Variants in RUFY3 observed in about 807,000 individuals in gnomAD.
The protein encoded by RUFY3 is protein RUFY3.
In RUFY3, 34 loss-of-function variants were observed where a neutral mutation model predicts 84.0. The observed-to-expected ratio is 0.40, with a 90% CI of 0.31 to 0.54. The LOEUF is 0.54. RUFY3 is among the 20% of genes least tolerant of loss of function. The probability of loss-of-function intolerance (pLI) is 0.39; values close to 1 mark genes in which losing one functional copy is unlikely to be tolerated. For synonymous variants in RUFY3, 242 were observed against 252.9 expected, an observed-to-expected ratio of 0.96 and a Z score of 0.41; for missense variants, 507 against 736.8, an observed-to-expected ratio of 0.69 and a Z score of 3.61.
intron 1 of RUFY3, among the ~76,000 whole-genome samples, chr4:70,745,184 T>C (rs1183200504): frequency 6.6e-6 from 1 of 152,102 alleles, no homozygotes; most frequent in African/African-American, 2.4e-5. Flanking sequence ...GACCTCGTGG[T>C]CCACCCGCCT....
In RUFY3 at chr4:70,722,180, C is replaced by T; in HGVS notation, c.-394C>T. Reference sequence around the variant, plus strand: ...ACAAAGGAGGAGGATTTTTCACTTACTCATATCGAGGCCAGATTTTTAAAG... The same window carrying T: ...ACAAAGGAGGAGGATTTTTCACTTATTCATATCGAGGCCAGATTTTTAAAG... On this transcript the variant is annotated 5_prime_UTR_variant, in exon 1 of 18. Coordinates refer to ENST00000381006, the MANE Select transcript of RUFY3 (RefSeq NM_001037442.4). 8.1e-7 allele frequency: 1 copy of T among 1,229,662 alleles called. No homozygotes were observed. The highest frequency in any genetic ancestry group is 1.0e-6 in the Non-Finnish European group (1 of 987,294). The allele number at this position is 1,229,662 out of a possible 1,614,324, so 76.2% of individuals were successfully genotyped here.
chr4:70,769,780 G>A (rs1041593213), intron 5 of RUFY3, among the ~76,000 whole-genome samples: 5 of 152,130 alleles, frequency 3.3e-5, no homozygotes, highest in Non-Finnish European at 7.4e-5. Context: ...GTAAACAGAT[G>A]TGCTGTCTTT....
intron 1 of RUFY3, 112 bp from the exon 2 acceptor site, chr4:70,762,407 T>G: frequency 2.3e-6 from 2 of 888,870 alleles, no homozygotes; most frequent in Admixed American, 4.8e-5. Context: ...TAAAGGAAAC[T>G]GGCATTTTTT....
In RUFY3 at chr4:70,793,415, A is replaced by G. The variant is rs923182490; in HGVS notation, c.1338-370A>G. ...AATTAAGTACCAAACCTATTAGGAA[A>G]TTTTTTTAAAAAGTGGATTTAACTT... On this transcript the variant is annotated intron_variant, in intron 12 of 17. Transcript: ENST00000381006. 13 of 1,052,834 alleles carry G rather than the reference A, an allele frequency of 1.2e-5. No homozygotes were observed. The African/African-American group carries it at 2.1e-4, about 17-fold the overall frequency. 65.2% of individuals were successfully genotyped at this position (1,052,834 alleles called of 1,614,324 possible). A position where few individuals can be genotyped will look rare whatever the true frequency, so the allele number is the denominator to read the frequency against.
At chr4:70,752,474 G>T (rs1371259255) in intron 1 of RUFY3, among the ~76,000 whole-genome samples, 1 of 152,228 alleles carries the variant, frequency 6.6e-6, no homozygotes, top group Non-Finnish European at 1.5e-5. Context: ...AGTAGCAAAA[G>T]TGGGCATCCT....
intron 1 of RUFY3, among the ~76,000 whole-genome samples, chr4:70,716,625 C>T (rs1254230085): frequency 2.0e-5 from 3 of 151,956 alleles, no homozygotes; most frequent in Non-Finnish European, 2.9e-5. Context: ...GGGCAGATCA[C>T]CTGAGTTCAG....
chr4:70,799,018 C>T (rs1388592036), intron 14 of RUFY3, among the ~76,000 whole-genome samples: 2 of 149,574 alleles, frequency 1.3e-5, no homozygotes, highest in African/African-American at 2.5e-5. Flanking sequence ...CAATGGTGGG[C>T]GCCTGTAATC....
rs746312542 is a variant in RUFY3 at position 70,722,734 on chromosome 4, C to G, written c.161C>G (p.Pro54Arg). Reference protein sequence around the residue: ...ELDDISLTPDPEPTHEDPNYL... With the variant: ...ELDDISLTPDREPTHEDPNYL... ...GATGACATCTCACTTACACCTGACC[C>G]AGAGCCTACCCATGAAGGTATGGTC... The change falls in exon 1 of 18, where the codon CCA becomes CGA. Residue 54 changes from proline (P) to arginine (R), a missense_variant. By Grantham distance (103) the Pro-to-Arg change is moderately radical. Coordinates refer to ENST00000381006, the MANE Select transcript of RUFY3 (RefSeq NM_001037442.4). 6.2e-7 allele frequency: 1 copy of G among 1,614,010 alleles called. No individual in the cohort carries two copies. Among genetic ancestry groups the G allele is most frequent in the Non-Finnish European group, 8.5e-7 (1 of 1,179,948 alleles).
chr4:70,748,566 G>T (rs1722601899), intron 1 of RUFY3, among the ~76,000 whole-genome samples: 1 of 152,116 alleles, frequency 6.6e-6, no homozygotes, highest in Admixed American at 6.6e-5. Flanking sequence ...AAAGCCTCTT[G>T]CTGTTTCTTG....
At chr4:70,790,044 C>T (rs1730558700) in intron 12 of RUFY3, 1 of 254,770 alleles carries the variant, frequency 3.9e-6, no homozygotes, top group Non-Finnish European at 6.2e-6. Context: ...TCTTTCTCTC[C>T]CTTCTTTAAC....
rs781178289 is a variant in RUFY3 at position 70,762,474 on chromosome 4, C to T, written c.179-45C>T. On this transcript the variant is annotated intron_variant, in intron 1 of 17. Transcript: ENST00000381006. ...AACTAATACTGAATTTTAAAATGTG[C>T]TATTTCTAGTAACCAGCCTTCATCT... is the stretch of plus-strand genomic sequence containing the variant. The T allele has an allele frequency of 2.6e-6, 4 of 1,525,480 alleles. No individual in the cohort carries two copies. The South Asian group carries it at 3.6e-5, about 14-fold the overall frequency. 94.5% of individuals were successfully genotyped at this position (1,525,480 alleles called of 1,614,324 possible).
chr4:70,730,964 A>G (rs1719161713), intron 1 of RUFY3, among the ~76,000 whole-genome samples: 1 of 152,092 alleles, frequency 6.6e-6, no homozygotes, highest in African/African-American at 2.4e-5. Context: ...TGAACACAGC[A>G]TTGGCAGCTT....
At position 70,778,381 on chromosome 4, in the gene RUFY3, C is replaced by T. The variant is rs752438935; in HGVS notation, c.837C>T (p.Asn279=). Residue 279 remains asparagine (N), a synonymous_variant, in exon 8 of 18, where the codon AAC becomes AAT. Coordinates refer to ENST00000381006, the MANE Select transcript of RUFY3 (RefSeq NM_001037442.4). ...ELNRHLNATV[N]NLQAKVDALE... ...CTCTATATTATAGTGCTACTGTAAA[C>T]AACCTTCAGGCAAAAGTAGATGCAT... The T allele has an allele frequency of 6.3e-7, 1 of 1,596,882 alleles. No homozygotes were observed. Among genetic ancestry groups the T allele is most frequent in the Admixed American group, 1.7e-5 (1 of 59,778 alleles).
rs1353419086 is a variant in RUFY3, at chr4:70,808,495, CTG to C, written c.*1838_*1839del. ...CTGGAACCATGTTTTTTAATAAATT[CTG>C]TCTCTTGGAAAGAGTTAACAACAGC... On this transcript the variant is annotated 3_prime_UTR_variant, in exon 18 of 18. Coordinates refer to ENST00000381006, the MANE Select transcript of RUFY3 (RefSeq NM_001037442.4). Among the ~76,000 whole-genome samples the C allele has an allele frequency of 6.6e-6, 1 of 152,078 alleles. No individual in the cohort carries two copies. The highest frequency in any genetic ancestry group is 2.4e-5 in the African/African-American group (1 of 41,414).
chr4:70,766,489 CCTG>C (rs1227569478), intron 4 of RUFY3, among the ~76,000 whole-genome samples: 1 of 152,224 alleles, frequency 6.6e-6, no homozygotes, highest in Non-Finnish European at 1.5e-5. Context: ...AAGTGATCCA[CCTG>C]CCTCAGCCTC....
chr4:70,798,697 G>T (rs528442313), intron 14 of RUFY3, among the ~76,000 whole-genome samples: 1 of 151,990 alleles, frequency 6.6e-6, no homozygotes, highest in Non-Finnish European at 1.5e-5. Flanking sequence ...CCAGAGAATC[G>T]CTTGAAACCA....
At chr4:70,756,423 G>A (rs1043206617) in intron 1 of RUFY3, among the ~76,000 whole-genome samples, 16 of 152,102 alleles carry the variant, frequency 1.1e-4, no homozygotes, top group Non-Finnish European at 1.3e-4. Flanking sequence ...GGTGAAATCT[G>A]TACTCCTTAA....
intron 12 of RUFY3, chr4:70,792,812 A>G: frequency 1.0e-6 from 1 of 985,424 alleles, no homozygotes. Context: ...GTTTAGACCA[A>G]CTTCATGGAA....
chr4:70,728,222 C>T (rs1718617493), intron 1 of RUFY3, among the ~76,000 whole-genome samples: 1 of 152,168 alleles, frequency 6.6e-6, no homozygotes, highest in South Asian at 2.1e-4. Flanking sequence ...TTAAATTAGC[C>T]AACAGTTGCG....
Sources: allele counts gnomAD v4.1 joint callset (sites outside exome capture counted in the v4.1 genomes callset), GRCh38; gene constraint gnomAD v4.1.1; transcripts MANE v1.5; gene names NCBI Gene and HGNC (gene_info 2026-07-23, HGNC 2026-07-21).